FILIP1: variants seen among roughly 807,000 people sequenced by gnomAD.
The protein encoded by FILIP1 is filamin-A-interacting protein 1.
FILIP1 carries 61 observed loss-of-function variants against 102.1 expected under a neutral mutation model. The observed-to-expected ratio is 0.60, with a 90% CI of 0.49 to 0.74. FILIP1 has a LOEUF of 0.74. Ranked by LOEUF, FILIP1 falls within the 30% of genes least tolerant of loss-of-function variation. The probability of loss-of-function intolerance (pLI) is 0.00; values close to 1 mark genes in which losing one functional copy is unlikely to be tolerated. For synonymous variants in FILIP1, 491 were observed against 526.9 expected (o/e 0.93, Z 0.93); for missense variants, 1,314 against 1,441.2 (o/e 0.91, Z 1.43).
chr6:75,349,788 C>A (rs1013786209), intron 4 of FILIP1, among the ~76,000 whole-genome samples: 107 of 152,284 alleles, frequency 7.0e-4, no homozygotes, highest in African/African-American at 2.4e-3. Context: ...AGCGACCCAG[C>A]CAAGGTCCGT....
At chr6:75,341,215 C>T (rs1428410702) in intron 4 of FILIP1, among the ~76,000 whole-genome samples, 5 of 150,456 alleles carry the variant, frequency 3.3e-5, no homozygotes, top group African/African-American at 1.2e-4. Flanking sequence ...GGCTGGAGTG[C>T]AGTGGTGCAA....
At chr6:75,349,711 G>T (rs921215978) in intron 4 of FILIP1, among the ~76,000 whole-genome samples, 4 of 152,298 alleles carry the variant, frequency 2.6e-5, no homozygotes, top group South Asian at 4.1e-4. Flanking sequence ...CCCTGCAGGT[G>T]CTGTGGCCGC....
intron 1 of FILIP1, among the ~76,000 whole-genome samples, chr6:75,476,296 G>C (rs1779474300): frequency 6.6e-6 from 1 of 150,636 alleles, no homozygotes; most frequent in South Asian, 2.1e-4. Flanking sequence ...TGACAGCTTA[G>C]AGATTGGGTC....
intron 2 of FILIP1, among the ~76,000 whole-genome samples, chr6:75,404,752 CA>C (rs1488001369): frequency 1.3e-5 from 2 of 152,172 alleles, no homozygotes; most frequent in African/African-American, 4.8e-5. Context: ...TAGCCCCACT[CA>C]TCTTTCCTCC....
At chr6:75,351,959 AC>A (rs1196844018) in intron 4 of FILIP1, among the ~76,000 whole-genome samples, 1 of 152,186 alleles carries the variant, frequency 6.6e-6, no homozygotes, top group African/African-American at 2.4e-5. Context: ...AAGCTAGTTA[AC>A]CTTAGCTTAA....
At chr6:75,375,370 G>A (rs569535647) in intron 2 of FILIP1, among the ~76,000 whole-genome samples, 51 of 152,314 alleles carry the variant, frequency 3.3e-4, no homozygotes, top group African/African-American at 1.2e-3. Context: ...ACAGAAGAGC[G>A]AGTCTTTGGG....
intron 4 of FILIP1, among the ~76,000 whole-genome samples, chr6:75,346,988 G>A (rs564944757): frequency 1.6e-5 from 2 of 123,382 alleles, no homozygotes; most frequent in African/African-American, 5.6e-5. Flanking sequence ...ACTGATATTA[G>A]GCAGTATGTC....
chr6:75,338,777 C>G (rs558642572), intron 4 of FILIP1, among the ~76,000 whole-genome samples: 1 of 152,248 alleles, frequency 6.6e-6, no homozygotes, highest in South Asian at 2.1e-4. Context: ...TTTCCATACC[C>G]AATTTTGCCC....
chr6:75,323,380 G>GA (rs1562458104), intron 4 of FILIP1, among the ~76,000 whole-genome samples: 1 of 151,986 alleles, frequency 6.6e-6, no homozygotes, highest in Non-Finnish European at 1.5e-5. Flanking sequence ...TTAAAAACCA[G>GA]AAAAAAGAAA....
chr6:75,425,798 T>C (rs1777607626), intron 1 of FILIP1, among the ~76,000 whole-genome samples: 1 of 152,182 alleles, frequency 6.6e-6, no homozygotes, highest in African/African-American at 2.4e-5. Context: ...CTACTCTCCA[T>C]ATGTATGTGA....
intron 2 of FILIP1, among the ~76,000 whole-genome samples, chr6:75,390,936 C>T (rs938689849): frequency 2.6e-5 from 4 of 151,966 alleles, no homozygotes; most frequent in Non-Finnish European, 5.9e-5. Flanking sequence ...GTTCCCTGAA[C>T]TTCTCTCCTC....
intron 4 of FILIP1, 69 bp from the exon 5 acceptor site, chr6:75,315,271 T>G (rs1348411174): frequency 5.1e-5 from 55 of 1,078,482 alleles, no homozygotes; most frequent in Non-Finnish European, 6.8e-5. Flanking sequence ...TGATATTAAA[T>G]AAAAAACAAA....
intron 2 of FILIP1, among the ~76,000 whole-genome samples, chr6:75,408,590 T>C (rs749245185): frequency 7.2e-5 from 11 of 152,102 alleles, no homozygotes; most frequent in Middle Eastern, 3.2e-3. Context: ...AGAAAACACA[T>C]AGAATTGTCT....
intron 1 of FILIP1, among the ~76,000 whole-genome samples, chr6:75,431,893 A>G (rs1282970732): frequency 6.6e-6 from 1 of 152,238 alleles, no homozygotes; most frequent in Non-Finnish European, 1.5e-5. Flanking sequence ...TGTTTTTAAA[A>G]ATCTCTTATA....
At chr6:75,338,858 A>C (rs1476103140) in intron 4 of FILIP1, among the ~76,000 whole-genome samples, 1 of 151,848 alleles carries the variant, frequency 6.6e-6, no homozygotes, top group African/African-American at 2.4e-5. Flanking sequence ...GGGAACAAAA[A>C]CTCCCCTCAG....
At chr6:75,302,500 T>G (rs1772865883) in intron 6 of FILIP1, among the ~76,000 whole-genome samples, 1 of 152,160 alleles carries the variant, frequency 6.6e-6, no homozygotes, top group South Asian at 2.1e-4. Context: ...AAATAATAGT[T>G]TATCTTCCTA....
rs932692022 is a variant in FILIP1 at position 75,431,110 on chromosome 6, G to GA, written c.-6-16133dup. ...ACGGCACTGTTATCCATTCACATCA[G>GA]AAAAAAAGAAAAAGTGAGCCTTGGC... On this transcript the variant is annotated intron_variant, in intron 1 of 5. Coordinates refer to ENST00000237172, the MANE Select transcript of FILIP1 (RefSeq NM_015687.5). 6.7e-4 allele frequency among the ~76,000 whole-genome samples: 102 copies of GA among 152,082 alleles called. No homozygotes were observed. The Middle Eastern group carries it at 0.01, about 15-fold the overall frequency.
At chr6:75,441,643 G>T (rs1422284525) in intron 1 of FILIP1, among the ~76,000 whole-genome samples, 2 of 149,350 alleles carry the variant, frequency 1.3e-5, no homozygotes, top group African/African-American at 2.5e-5. Flanking sequence ...GGACGGGGCG[G>T]CTGGCCGGGC....
chr6:75,391,237 T>C (rs1287955647), intron 2 of FILIP1, among the ~76,000 whole-genome samples: 1 of 152,124 alleles, frequency 6.6e-6, no homozygotes, highest in African/African-American at 2.4e-5. Flanking sequence ...CTTAATGTCA[T>C]GCCCATTCTC....
Sources: allele counts gnomAD v4.1 joint callset (sites outside exome capture counted in the v4.1 genomes callset), GRCh38; gene constraint gnomAD v4.1.1; transcripts MANE v1.5; gene names NCBI Gene and HGNC (gene_info 2026-07-23, HGNC 2026-07-21).